The following LRMDA variants were observed in gnomAD, a reference collection of about 807,000 sequenced individuals.
LRMDA encodes leucine rich melanocyte differentiation associated.
Under a neutral mutation model 29.8 loss-of-function variants are expected in LRMDA, and 18 were observed. That is an observed-to-expected ratio of 0.60 (90% CI 0.42 to 0.90). LRMDA has a LOEUF of 0.90. Ranked by LOEUF, LRMDA falls within the 40% of genes least tolerant of loss-of-function variation. The probability of loss-of-function intolerance (pLI) is 0.00; values close to 1 mark genes in which losing one functional copy is unlikely to be tolerated. For synonymous variants in LRMDA, 125 were observed against 109.4 expected (o/e 1.14, Z -0.89); for missense variants, 273 against 273.9 (o/e 1.00, Z 0.02).
At chr10:75,871,985 C>T (rs1174249526) in intron 2 of LRMDA, among the ~76,000 whole-genome samples, 1 of 152,206 alleles carries the variant, frequency 6.6e-6, no homozygotes, top group Non-Finnish European at 1.5e-5. Flanking sequence ...TTCATCTTCA[C>T]ATGTGCATCC....
At chr10:75,801,182 A>G (rs1843738520) in intron 2 of LRMDA, among the ~76,000 whole-genome samples, 1 of 152,200 alleles carries the variant, frequency 6.6e-6, no homozygotes, top group African/African-American at 2.4e-5. Flanking sequence ...CTGCCAGACT[A>G]CTTGGACTTC....
intron 6 of LRMDA, among the ~76,000 whole-genome samples, chr10:76,449,395 T>G (rs991853616): frequency 3.9e-5 from 6 of 151,912 alleles, no homozygotes; most frequent in Non-Finnish European, 8.8e-5. Flanking sequence ...CACAAAATAT[T>G]ATCTTCTTTT....
chr10:76,557,177 A>T lies in LRMDA; in HGVS notation c.602-32A>T, dbSNP rs1448932182. The T allele has an allele frequency of 1.9e-6, 3 of 1,564,816 alleles. No homozygotes were observed. In the Admixed American group the frequency reaches 5.0e-5, roughly 26 times the overall value. On this transcript the variant is annotated intron_variant, in intron 6 of 6. Transcript: ENST00000611255. ...GTTTCCCTGCTATGCTAAGTGTGCCACCTGTAATGATGTGTGTCTTTTTAT... is the reference window on the plus strand; with the variant it reads ...GTTTCCCTGCTATGCTAAGTGTGCCTCCTGTAATGATGTGTGTCTTTTTAT...
intron 6 of LRMDA, among the ~76,000 whole-genome samples, chr10:76,495,263 G>A (rs1842871004): frequency 6.6e-6 from 1 of 151,530 alleles, no homozygotes; most frequent in South Asian, 2.1e-4. Context: ...ATAATTTATT[G>A]TAAACTATCT....
intron 5 of LRMDA, among the ~76,000 whole-genome samples, chr10:76,116,766 T>G (rs1849673853): frequency 6.6e-6 from 1 of 152,166 alleles, no homozygotes; most frequent in Admixed American, 6.5e-5. Flanking sequence ...TAGCCATTTT[T>G]ACATTAAAGG....
intron 2 of LRMDA, among the ~76,000 whole-genome samples, chr10:75,849,742 A>C (rs1217744301): frequency 1.3e-5 from 2 of 152,238 alleles, no homozygotes; most frequent in African/African-American, 4.8e-5. Flanking sequence ...CATCCTGTAC[A>C]TGTACCCCAA....
chr10:75,614,520 CTT>C (rs1311591321), intron 2 of LRMDA, among the ~76,000 whole-genome samples: 9 of 152,170 alleles, frequency 5.9e-5, no homozygotes, highest in Admixed American at 3.9e-4. Flanking sequence ...CCCCAGTACT[CTT>C]TTTCTCCCCT....
chr10:75,499,800 C>T (rs1210420860), intron 2 of LRMDA, among the ~76,000 whole-genome samples: 2 of 152,062 alleles, frequency 1.3e-5, no homozygotes. Flanking sequence ...TGATGGGTAA[C>T]ACTGCTTTCT....
intron 5 of LRMDA, among the ~76,000 whole-genome samples, chr10:76,219,271 C>T (rs895814494): frequency 1.2e-4 from 18 of 152,190 alleles, no homozygotes; most frequent in African/African-American, 4.3e-4. Flanking sequence ...ACAATATTAA[C>T]TTTAAATGTA....
At chr10:75,772,571 C>T (rs994767628) in intron 2 of LRMDA, among the ~76,000 whole-genome samples, 5 of 152,100 alleles carry the variant, frequency 3.3e-5, no homozygotes, top group Non-Finnish European at 7.4e-5. Flanking sequence ...GAGTGGGAAC[C>T]GGTCAATTCG....
intron 5 of LRMDA, among the ~76,000 whole-genome samples, chr10:76,061,315 T>C (rs749445736): frequency 2.0e-5 from 3 of 152,074 alleles, no homozygotes; most frequent in Non-Finnish European, 4.4e-5. Context: ...AGAAGCTAAA[T>C]GATGAGAACT....
chr10:76,161,255 C>G (rs770740429), intron 5 of LRMDA, among the ~76,000 whole-genome samples: 1 of 152,180 alleles, frequency 6.6e-6, no homozygotes, highest in Non-Finnish European at 1.5e-5. Flanking sequence ...GAGCTCAAAA[C>G]AGAGCCATGT....
In LRMDA at chr10:75,502,794, G is replaced by A. The variant is rs149352306; in HGVS notation, c.131+64300G>A. ...AGGTTTGGGGTACACGTGCAGGTTT[G>A]TTATATAGGTAAACCTCCATGTCAT... is the stretch of plus-strand genomic sequence containing the variant. On this transcript the variant is annotated intron_variant, in intron 2 of 6. Transcript: ENST00000611255. Among the ~76,000 whole-genome samples, 455 of 152,256 alleles carry A rather than the reference G, an allele frequency of 3.0e-3. 2 individuals carry two copies. The highest frequency in any genetic ancestry group is 0.01 in the African/African-American group (422 of 41,552).
At chr10:76,555,967 A>G (rs190482828) in intron 6 of LRMDA, among the ~76,000 whole-genome samples, 1 of 152,274 alleles carries the variant, frequency 6.6e-6, no homozygotes, top group East Asian at 1.9e-4. Context: ...CGCTAAGACA[A>G]CTCTGTCCAA....
intron 2 of LRMDA, among the ~76,000 whole-genome samples, chr10:75,796,855 G>C (rs760570964): frequency 6.6e-6 from 1 of 152,200 alleles, no homozygotes; most frequent in African/African-American, 2.4e-5. Context: ...ATGAGCCACT[G>C]TGCCCAGTCA....
At chr10:76,553,353 G>A (rs894426047) in intron 6 of LRMDA, among the ~76,000 whole-genome samples, 18 of 152,346 alleles carry the variant, frequency 1.2e-4, no homozygotes, top group Non-Finnish European at 2.4e-4. Context: ...AAATGAATCC[G>A]TTGCAGATGT....
chr10:76,490,417 C>G (rs549275632), intron 6 of LRMDA, among the ~76,000 whole-genome samples: 193 of 152,006 alleles, frequency 1.3e-3, no homozygotes, highest in African/African-American at 4.6e-3. Flanking sequence ...CTCTCTCTCT[C>G]TCTCTCTTTA....
At chr10:75,545,278 A>C (rs943657832) in intron 2 of LRMDA, among the ~76,000 whole-genome samples, 2 of 152,182 alleles carry the variant, frequency 1.3e-5, no homozygotes, top group African/African-American at 2.4e-5. Flanking sequence ...ATTAAGTCAG[A>C]AACTACAATC....
At chr10:76,434,205 T>C (rs1031168063) in intron 6 of LRMDA, among the ~76,000 whole-genome samples, 1 of 152,168 alleles carries the variant, frequency 6.6e-6, no homozygotes, top group Admixed American at 6.5e-5. Flanking sequence ...AAAACATCAA[T>C]GTCCTGATTA....
Sources: gnomAD v4.1 joint callset for allele counts (sites outside exome capture counted in the v4.1 genomes callset) on GRCh38, gnomAD v4.1.1 for gene constraint, MANE v1.5 for transcripts, NCBI Gene and HGNC (gene_info 2026-07-23, HGNC 2026-07-21) for gene names.